RBBP4: variants seen among roughly 807,000 people sequenced by gnomAD.
RBBP4 encodes the protein histone-binding protein RBBP4.
A neutral mutation model predicts 57.2 loss-of-function variants in RBBP4; 3 were observed. The ratio of observed to expected loss-of-function variants is 0.05; its 90% CI spans 0.02 to 0.14. The LOEUF (loss-of-function observed/expected upper bound fraction) is 0.14. Ranked by LOEUF, RBBP4 falls within the 10% of genes least tolerant of loss-of-function variation. RBBP4 has a pLI of 1.00. For synonymous variants in RBBP4, 151 were observed against 171.5 expected, an observed-to-expected ratio of 0.88 and a Z score of 0.93; for missense variants, 107 against 520.6, an observed-to-expected ratio of 0.21 and a Z score of 7.73.
chr1:32,677,841 C>T (rs1346757645), intron 11 of RBBP4, among the ~76,000 whole-genome samples: 1 of 152,160 alleles, frequency 6.6e-6, no homozygotes, highest in Non-Finnish European at 1.5e-5. Context: ...GAAGGTAAGA[C>T]TATCCTGTCC....
chr1:32,673,751 G>T (rs1648975222), intron 11 of RBBP4, among the ~76,000 whole-genome samples: 1 of 151,982 alleles, frequency 6.6e-6, no homozygotes, highest in Non-Finnish European at 1.5e-5. Flanking sequence ...AATTTTCAAA[G>T]CACTTCAATT....
In RBBP4 at chr1:32,680,576, G is replaced by A. The variant is rs1358889106; in HGVS notation, c.*871G>A. ...ATGCCATCTCCATTTTGGGTGACCT[G>A]TTTCACCAGCAGGCCTGTTACTCTC... On this transcript the variant is annotated 3_prime_UTR_variant, in exon 12 of 12. Transcript: ENST00000373493. 5 of 1,512,508 alleles carry A rather than the reference G, an allele frequency of 3.3e-6. No individual in the cohort carries two copies. The highest frequency in any genetic ancestry group is 4.5e-6 in the Non-Finnish European group (5 of 1,115,264). 93.7% of individuals were successfully genotyped at this position (1,512,508 alleles called of 1,614,324 possible). A position where few individuals can be genotyped will look rare whatever the true frequency, so the allele number is the denominator to read the frequency against.
chr1:32,680,370 T>C lies in RBBP4; in HGVS notation c.*665T>C. ...TTTTTGTTGTTGGTTTTTTTTTTTT[T>C]TTTTTTAACTTGGGACCACCAAGTT... On this transcript the variant is annotated 3_prime_UTR_variant, in exon 12 of 12. Transcript: ENST00000373493. 1 of 1,132,586 alleles carries C rather than the reference T, an allele frequency of 8.8e-7. No individual in the cohort carries two copies. The highest frequency in any genetic ancestry group is 1.1e-6 in the Non-Finnish European group (1 of 918,992). The allele number at this position is 1,132,586 out of a possible 1,614,324, so 70.2% of individuals were successfully genotyped here. A position where few individuals can be genotyped will look rare whatever the true frequency, so the allele number is the denominator to read the frequency against.
Position 32,684,255 on chromosome 1 carries a change from G to A in RBBP4, c.*4550G>A, listed in dbSNP as rs1241512503. 1 of 1,614,124 alleles carries A rather than the reference G, an allele frequency of 6.2e-7. No homozygotes were observed. Among genetic ancestry groups the A allele is most frequent in the Non-Finnish European group, 8.5e-7 (1 of 1,180,032 alleles). On this transcript the variant is annotated 3_prime_UTR_variant, in exon 12 of 12. Coordinates refer to ENST00000373493, the MANE Select transcript of RBBP4 (RefSeq NM_005610.3). ...TGAGATTTGTATAGCAGCAGAAACT[G>A]ACTTATAAGTAGAGAGCTCTTCAGC...
At chr1:32,678,168 C>A (rs1412447153) in intron 11 of RBBP4, among the ~76,000 whole-genome samples, 1 of 152,154 alleles carries the variant, frequency 6.6e-6, no homozygotes, top group Non-Finnish European at 1.5e-5. Flanking sequence ...CATTAGCCAT[C>A]ATTTCCTATT....
chr1:32,673,636 C>T (rs772608207), intron 11 of RBBP4: 29 of 253,388 alleles, frequency 1.1e-4, no homozygotes, highest in South Asian at 2.0e-4. Context: ...GACGGTTTCA[C>T]TATGTTGGCC....
At position 32,663,978 on chromosome 1, in the gene RBBP4, A is replaced by G. The variant is rs1226528603; in HGVS notation, c.311-4247A>G. ...GTCTCGCTCTGTTGCCCAGGCTGGT[A>G]TGCAGTGGCGCGATCTCGGCCCACT... On this transcript the variant is annotated intron_variant, in intron 3 of 11. Transcript: ENST00000373493. 5.0e-4 allele frequency among the ~76,000 whole-genome samples: 72 copies of G among 142,866 alleles called. 1 individual carries two copies. Among genetic ancestry groups the G allele is most frequent in the African/African-American group, 1.9e-3 (71 of 38,242 alleles). 93.7% of individuals were successfully genotyped at this position (142,866 alleles called of 152,430 possible).
chr1:32,685,102 G>A lies in RBBP4; in HGVS notation c.*5397G>A, dbSNP rs1649734206. ...TGGGCTCAAGCAGTCCTCCCGCCTC[G>A]GTCTCCCAAAGTGCTGGGATTACAG... is the stretch of plus-strand genomic sequence containing the variant. On this transcript the variant is annotated 3_prime_UTR_variant, in exon 12 of 12. Coordinates refer to ENST00000373493, the MANE Select transcript of RBBP4 (RefSeq NM_005610.3). 1 of 152,200 alleles carries A rather than the reference G, an allele frequency of 6.6e-6. No homozygotes were observed. The highest frequency in any genetic ancestry group is 2.1e-4 in the South Asian group (1 of 4,840). 9.4% of individuals were successfully genotyped at this position (152,200 alleles called of 1,614,324 possible).
intron 3 of RBBP4, chr1:32,657,796 C>T (rs183962711): frequency 2.7e-4 from 113 of 426,106 alleles, no homozygotes; most frequent in African/African-American, 2.1e-3. Flanking sequence ...TCAGCTGGTG[C>T]TGGTGGGGAG....
At chr1:32,671,694 C>CTTTTTTTT (rs71006356) in intron 8 of RBBP4, among the ~76,000 whole-genome samples, 1 of 147,600 alleles carries the variant, frequency 6.8e-6, no homozygotes. Context: ...GGCCTCATCT[C>CTTTTTTTT]TTTTTTTTTT....
chr1:32,668,520 G>A (rs747016103), intron 4 of RBBP4, 122 bp downstream of exon 4: 28 of 1,144,860 alleles, frequency 2.4e-5, no homozygotes, highest in Non-Finnish European at 3.1e-5. Context: ...GTATTGATAT[G>A]TGTATATTTT....
rs11417558 is a variant in RBBP4 at position 32,663,582 on chromosome 1, A to ATT, written c.311-4632_311-4631dup. ...TGCCACCACAGTCAGCCCCTGAAAT[A>ATT]TTTTTTTTTTTTGAGACAGAGTCTC... On this transcript the variant is annotated intron_variant, in intron 3 of 11. Transcript: ENST00000373493. 1.5e-3 allele frequency among the ~76,000 whole-genome samples: 216 copies of ATT among 147,292 alleles called. 1 individual carries two copies. Among genetic ancestry groups the ATT allele is most frequent in the Middle Eastern group, 3.4e-3 (1 of 292 alleles).
rs371051956 is a variant in RBBP4 at position 32,651,250 on chromosome 1, C to G, written c.-57C>G. 6.0e-6 allele frequency: 9 copies of G among 1,504,158 alleles called. No individual in the cohort carries two copies. The highest frequency in any genetic ancestry group is 2.9e-5 in the African/African-American group (2 of 68,694). The allele number at this position is 1,504,158 out of a possible 1,614,324, so 93.2% of individuals were successfully genotyped here. ...CGCGCACAGAGCGAGCTCTTGCAGC[C>G]TCCCCGCCCCTCCCGCAACGCTCGA... On this transcript the variant is annotated 5_prime_UTR_variant, in exon 1 of 12. Transcript: ENST00000373493.
rs558392725 is a variant in RBBP4, at chr1:32,663,918, C to A, written c.311-4307C>A. On this transcript the variant is annotated intron_variant, in intron 3 of 11. Transcript: ENST00000373493. ...TGCAATTTTCCATTTCTTTTTTTAA[C>A]CTGTCAATTTTTTTTTTTTCTTTTT... Among the ~76,000 whole-genome samples, 3 of 108,674 alleles carry A rather than the reference C, an allele frequency of 2.8e-5. No homozygotes were observed. In the South Asian group the frequency reaches 1.2e-3, roughly 42 times the overall value. 71.3% of individuals were successfully genotyped at this position (108,674 alleles called of 152,430 possible).
chr1:32,674,681 G>A (rs1313099269), intron 11 of RBBP4, among the ~76,000 whole-genome samples: 4 of 151,264 alleles, frequency 2.6e-5, no homozygotes, highest in African/African-American at 9.7e-5. Flanking sequence ...GGAGAGGGAG[G>A]ATGTTTTCAT....
At position 32,652,267 on chromosome 1, in the gene RBBP4, T is replaced by C. The variant is rs79628190; in HGVS notation, c.164+206T>C. 114 of 568,576 alleles carry C rather than the reference T, an allele frequency of 2.0e-4. 1 individual carries two copies. The East Asian group carries it at 3.0e-3, about 15-fold the overall frequency. The allele number at this position is 568,576 out of a possible 1,614,324, so 35.2% of individuals were successfully genotyped here. A position where few individuals can be genotyped will look rare whatever the true frequency, so the allele number is the denominator to read the frequency against. ...AAGAGAAAACATATTGGCGTTTTTTTCTCAATACTGAATTAAATAGCTGTA... is the reference window on the plus strand; with the variant it reads ...AAGAGAAAACATATTGGCGTTTTTTCCTCAATACTGAATTAAATAGCTGTA... On this transcript the variant is annotated intron_variant, in intron 2 of 11. Transcript: ENST00000373493.
At chr1:32,651,803 C>G in intron 1 of RBBP4, 111 bp from the exon 2 acceptor site, 2 of 1,275,148 alleles carry the variant, frequency 1.6e-6, no homozygotes, top group Admixed American at 4.5e-5. Flanking sequence ...GGGATTTAGA[C>G]AAATCACCTC....
At position 32,684,055 on chromosome 1, in the gene RBBP4, C is replaced by CA. The variant is rs1163935985; in HGVS notation, c.*4351dup. On this transcript the variant is annotated 3_prime_UTR_variant, in exon 12 of 12. Coordinates refer to ENST00000373493, the MANE Select transcript of RBBP4 (RefSeq NM_005610.3). ...CCACCTGCCTGAGAAGTGGGAGCAT[C>CA]AGCCTGTTCCAGGCTCTTGGGTAGT... 1 of 1,614,060 alleles carries CA rather than the reference C, an allele frequency of 6.2e-7. No individual in the cohort carries two copies. The highest frequency in any genetic ancestry group is 8.5e-7 in the Non-Finnish European group (1 of 1,180,034).
At position 32,651,235 on chromosome 1, in the gene RBBP4, G is replaced by T. The variant is rs1016533008; in HGVS notation, c.-72G>T. On this transcript the variant is annotated 5_prime_UTR_variant, in exon 1 of 12. Transcript: ENST00000373493. ...AAACAATAGAGGCCGCGCGCACAGA[G>T]CGAGCTCTTGCAGCCTCCCCGCCCC... is the stretch of plus-strand genomic sequence containing the variant. 1 of 1,505,696 alleles carries T rather than the reference G, an allele frequency of 6.6e-7. No individual in the cohort carries two copies. The allele number at this position is 1,505,696 out of a possible 1,614,324, so 93.3% of individuals were successfully genotyped here. A position where few individuals can be genotyped will look rare whatever the true frequency, so the allele number is the denominator to read the frequency against.
Sources: allele counts gnomAD v4.1 joint callset (sites outside exome capture counted in the v4.1 genomes callset), GRCh38; gene constraint gnomAD v4.1.1; transcripts MANE v1.5; gene names NCBI Gene and HGNC (gene_info 2026-07-23, HGNC 2026-07-21).